The following SLC37A3 variants were observed in gnomAD, a reference collection of about 807,000 sequenced individuals.
The protein encoded by SLC37A3 is solute carrier family 37 member 3, also known as sugar phosphate exchanger 3.
A neutral mutation model predicts 67.1 loss-of-function variants in SLC37A3; 51 were observed. The observed-to-expected ratio is 0.76, with a 90% confidence interval of 0.61 to 0.96. The LOEUF (loss-of-function observed/expected upper bound fraction) is 0.96, where lower values mean the gene tolerates loss of function less well. SLC37A3 is among the 40% of genes least tolerant of loss of function. SLC37A3 has a pLI of 0.00. For missense variants in SLC37A3, 508 were observed against 603.0 expected, an observed-to-expected ratio of 0.84 and a Z score of 1.65; for synonymous variants, 214 against 231.4, an observed-to-expected ratio of 0.92 and a Z score of 0.68.
chr7:140,357,410 G>T (rs1425519792), intron 6 of SLC37A3, among the ~76,000 whole-genome samples: 1 of 151,924 alleles, frequency 6.6e-6, no homozygotes, highest in Non-Finnish European at 1.5e-5. Context: ...GAATAAACAT[G>T]AATAAATTTA....
intron 13 of SLC37A3, among the ~76,000 whole-genome samples, chr7:140,341,283 T>C (rs1335889094): frequency 6.6e-6 from 1 of 152,122 alleles, no homozygotes; most frequent in Non-Finnish European, 1.5e-5. Context: ...CTTGGGCAGA[T>C]ACTGCAATTT....
intron 1 of SLC37A3, among the ~76,000 whole-genome samples, chr7:140,391,311 T>C (rs747632262): frequency 1.3e-5 from 2 of 152,128 alleles, no homozygotes; most frequent in Non-Finnish European, 2.9e-5. Flanking sequence ...TCCCAGCACT[T>C]TGGGAGGCCA....
intron 1 of SLC37A3, among the ~76,000 whole-genome samples, chr7:140,387,713 AC>A (rs1400610142): frequency 9.7e-6 from 1 of 102,718 alleles, no homozygotes; most frequent in Non-Finnish European, 1.8e-5. Context: ...ATATAAATAT[AC>A]TATATATATT....
intron 6 of SLC37A3, among the ~76,000 whole-genome samples, chr7:140,357,468 A>C (rs1359729552): frequency 1.3e-5 from 2 of 151,810 alleles, no homozygotes; most frequent in East Asian, 3.9e-4. Context: ...GTGGTGGCTC[A>C]TGCCTATATT....
chr7:140,355,672 T>A lies in SLC37A3; in HGVS notation c.614A>T (p.Tyr205Phe). ...GAGCTAGAAAACAATACCTACCTCA[T>A]AACCATACTGAAGAACAGAAGAAGC... ...CLASSVLQYG[Y>F]EYAFLVTASV... The change falls in exon 7 of 15, where the codon TAT becomes TTT. Residue 205 changes from tyrosine (Y) to phenylalanine (F), a missense_variant. Transcript: ENST00000326232. The A allele has an allele frequency of 6.2e-7, 1 of 1,613,466 alleles. No homozygotes were observed. The highest frequency in any genetic ancestry group is 8.5e-7 in the Non-Finnish European group (1 of 1,179,702).
At chr7:140,351,177 A>T in intron 9 of SLC37A3, 96 bp downstream of exon 9, 1 of 1,227,344 alleles carries the variant, frequency 8.1e-7, no homozygotes, top group Non-Finnish European at 1.1e-6. Context: ...AGTATCCAAC[A>T]GAGGCTCAAT....
chr7:140,352,367 AGAG>A (rs1159138309), intron 7 of SLC37A3, among the ~76,000 whole-genome samples: 4 of 152,154 alleles, frequency 2.6e-5, no homozygotes, highest in East Asian at 3.9e-4. Context: ...TGAGGCTCAG[AGAG>A]GAGAATGAAG....
intron 1 of SLC37A3, 112 bp downstream of exon 1, chr7:140,398,304 G>A (rs12703828): frequency 0.33 from 49,665 of 152,086 alleles, 8,759 homozygotes; most frequent in Non-Finnish European, 0.4. Context: ...CCCCACCCAA[G>A]GGGGGCCGCC....
chr7:140,396,401 T>C (rs1289206825), intron 1 of SLC37A3, among the ~76,000 whole-genome samples: 1 of 152,196 alleles, frequency 6.6e-6, no homozygotes, highest in Non-Finnish European at 1.5e-5. Context: ...TATTCATTAA[T>C]TCATCCGTCT....
chr7:140,372,835 C>A (rs755663065), intron 3 of SLC37A3, among the ~76,000 whole-genome samples: 2 of 151,810 alleles, frequency 1.3e-5, no homozygotes, highest in Admixed American at 6.6e-5. Flanking sequence ...TGCACTCCAG[C>A]CTGGGTGACA....
chr7:140,339,940 G>A (rs1185222365), intron 13 of SLC37A3, among the ~76,000 whole-genome samples: 16 of 151,590 alleles, frequency 1.1e-4, no homozygotes, highest in Admixed American at 4.6e-4. Context: ...GGGTTTCACC[G>A]TGTTAGCCAG....
intron 2 of SLC37A3, 45 bp downstream of exon 2, chr7:140,382,393 G>A (rs1353944817): frequency 6.4e-7 from 1 of 1,564,192 alleles, no homozygotes; most frequent in Non-Finnish European, 8.8e-7. Flanking sequence ...TCCCTCAAAA[G>A]AAAAAAGAAA....
In SLC37A3 at chr7:140,334,470, T is replaced by C. The variant is rs988101610; in HGVS notation, c.*942A>G. The C allele has an allele frequency of 6.6e-6, 1 of 152,640 alleles. No homozygotes were observed. Among genetic ancestry groups the C allele is most frequent in the Non-Finnish European group, 1.5e-5 (1 of 68,038 alleles). 9.5% of individuals were successfully genotyped at this position (152,640 alleles called of 1,614,324 possible). A position where few individuals can be genotyped will look rare whatever the true frequency, so the allele number is the denominator to read the frequency against. On this transcript the variant is annotated 3_prime_UTR_variant, in exon 15 of 15. Transcript: ENST00000326232. Reference sequence around the variant, plus strand: ...TCCCTTTTCTCTAATTCTAGTCTTCTGCTGAGGTAACTCCAGGAAGCTGCT... The same window carrying C: ...TCCCTTTTCTCTAATTCTAGTCTTCCGCTGAGGTAACTCCAGGAAGCTGCT...
At chr7:140,371,382 C>A (rs1797815441) in intron 3 of SLC37A3, among the ~76,000 whole-genome samples, 1 of 152,100 alleles carries the variant, frequency 6.6e-6, no homozygotes, top group Non-Finnish European at 1.5e-5. Flanking sequence ...CCATGTTGGC[C>A]AGGATGGTCT....
chr7:140,365,919 CTTTTTTTTTTTTTTTTTTTT>C (rs71170981), intron 4 of SLC37A3, among the ~76,000 whole-genome samples: 7 of 43,876 alleles, frequency 1.6e-4, no homozygotes, highest in African/African-American at 2.0e-4. Context: ...ACAATACATG[CTTTTTTTTTTTTTTTTTTTT>C]TTTTTTTTTT....
intron 6 of SLC37A3, 100 bp from the exon 7 acceptor site, chr7:140,355,864 C>T (rs1797005694): frequency 1.1e-6 from 1 of 949,064 alleles, no homozygotes; most frequent in Non-Finnish European, 1.7e-6. Context: ...GTGCATACTA[C>T]CAAGACTAAA....
intron 1 of SLC37A3, among the ~76,000 whole-genome samples, chr7:140,383,149 C>T (rs182273564): frequency 4.0e-5 from 6 of 151,642 alleles, no homozygotes; most frequent in Admixed American, 3.3e-4. Flanking sequence ...TCTCTCTATG[C>T]AGTAGCTGCC....
intron 13 of SLC37A3, among the ~76,000 whole-genome samples, chr7:140,338,680 C>T (rs1585243833): frequency 6.6e-6 from 1 of 152,050 alleles, no homozygotes; most frequent in East Asian, 1.9e-4. Flanking sequence ...CCACATTGCC[C>T]AGGCTGGTCT....
intron 1 of SLC37A3, among the ~76,000 whole-genome samples, chr7:140,397,637 CTG>C (rs1322426329): frequency 1.3e-5 from 2 of 152,116 alleles, no homozygotes; most frequent in African/African-American, 4.8e-5. Context: ...CCTTCAACAA[CTG>C]TTATATATAT....
Sources: gnomAD v4.1 joint callset for allele counts (sites outside exome capture counted in the v4.1 genomes callset) on GRCh38, gnomAD v4.1.1 for gene constraint, MANE v1.5 for transcripts, NCBI Gene and HGNC (gene_info 2026-07-23, HGNC 2026-07-21) for gene names.